PTH2R: variants seen among roughly 807,000 people sequenced by gnomAD.
The protein encoded by PTH2R is PTH2 receptor.
Under a neutral mutation model 60.3 loss-of-function variants are expected in PTH2R, and 59 were observed. That is an observed-to-expected ratio of 0.98 (90% CI 0.79 to 1.22). The LOEUF (loss-of-function observed/expected upper bound fraction) is 1.22. Ranked by LOEUF, PTH2R falls within the 50% of genes most tolerant of loss-of-function variation. The probability of loss-of-function intolerance (pLI) is 0.00; values close to 1 mark genes in which losing one functional copy is unlikely to be tolerated. For missense variants in PTH2R, 749 were observed against 682.6 expected, an observed-to-expected ratio of 1.10 and a Z score of -1.08; for synonymous variants, 256 against 243.8, an observed-to-expected ratio of 1.05 and a Z score of -0.47.
rs577359405 is a variant in PTH2R at position 208,482,466 on chromosome 2, A to G, written c.1076+1302A>G. 3.9e-5 allele frequency among the ~76,000 whole-genome samples: 6 copies of G among 152,344 alleles called. No homozygotes were observed. In the South Asian group the frequency reaches 6.2e-4, roughly 16 times the overall value. On this transcript the variant is annotated intron_variant, in intron 10 of 12. Coordinates refer to ENST00000272847, the MANE Select transcript of PTH2R (RefSeq NM_005048.4). ...TTTGATTATGAGGTGAGATGGTCAC[A>G]TGGGGATGAAGTAATTCTTTAACAT...
chr2:208,377,575 G>A (rs779879047), intron 1 of PTH2R, among the ~76,000 whole-genome samples: 5 of 147,598 alleles, frequency 3.4e-5, no homozygotes, highest in East Asian at 2.0e-4. Context: ...GGGACGGGGC[G>A]GCTGGCCGGG....
chr2:208,385,751 C>G (rs1700990374), intron 1 of PTH2R, among the ~76,000 whole-genome samples: 1 of 152,182 alleles, frequency 6.6e-6, no homozygotes, highest in African/African-American at 2.4e-5. Flanking sequence ...TGTGGCCACT[C>G]CCAACTTGTA....
intron 1 of PTH2R, among the ~76,000 whole-genome samples, chr2:208,395,247 C>T (rs893477006): frequency 6.6e-6 from 1 of 152,004 alleles, no homozygotes; most frequent in Non-Finnish European, 1.5e-5. Flanking sequence ...CGGGGTTTCA[C>T]CATGTTAACC....
chr2:208,463,272 C>T (rs936790435), intron 9 of PTH2R, among the ~76,000 whole-genome samples: 2 of 152,136 alleles, frequency 1.3e-5, no homozygotes, highest in African/African-American at 2.4e-5. Context: ...GTTCCCACCT[C>T]AGGGCCTTTG....
intron 2 of PTH2R, among the ~76,000 whole-genome samples, chr2:208,436,629 C>T (rs755466219): frequency 5.9e-5 from 9 of 152,202 alleles, no homozygotes; most frequent in Admixed American, 2.6e-4. Context: ...TCATGACCTG[C>T]GTGCACCACA....
intron 4 of PTH2R, among the ~76,000 whole-genome samples, chr2:208,440,891 G>A (rs540336586): frequency 2.4e-4 from 37 of 152,318 alleles, no homozygotes; most frequent in African/African-American, 8.9e-4. Flanking sequence ...ATGTGCACAG[G>A]GCTCTCACAG....
intron 12 of PTH2R, among the ~76,000 whole-genome samples, chr2:208,491,777 G>C (rs1192191835): frequency 6.6e-6 from 1 of 152,004 alleles, no homozygotes; most frequent in African/African-American, 2.4e-5. Context: ...ATTGTAGACT[G>C]TGAAGTTTTG....
Position 208,407,049 on chromosome 2 carries a change from C to A in PTH2R, c.6C>A (p.Ala2=), listed in dbSNP as rs142146558. 5,775 of 1,392,932 alleles carry A rather than the reference C, an allele frequency of 4.1e-3. 16 individuals carry two copies. Among genetic ancestry groups the A allele is most frequent in the South Asian group, 5.0e-3 (261 of 52,536 alleles). The allele number at this position is 1,392,932 out of a possible 1,614,324, so 86.3% of individuals were successfully genotyped here. ...TTCCTACAGCCGTTCCGGGCATGGCCGGGCTGGGGGCGTCGCTCCACGTCT... is the reference window on the plus strand; with the variant it reads ...TTCCTACAGCCGTTCCGGGCATGGCAGGGCTGGGGGCGTCGCTCCACGTCT... M[A]GLGASLHVWG... The change falls in exon 1 of 13, where the codon GCC becomes GCA. Residue 2 remains alanine, a synonymous_variant. Coordinates refer to ENST00000272847, the MANE Select transcript of PTH2R (RefSeq NM_005048.4).
chr2:208,388,137 C>CCT (rs986061486), intron 1 of PTH2R, among the ~76,000 whole-genome samples: 1 of 149,440 alleles, frequency 6.7e-6, no homozygotes, highest in African/African-American at 2.4e-5. Flanking sequence ...GTGAAACCCC[C>CCT]CCCCCCGTCT....
At chr2:208,371,503 T>C (rs975603780) in intron 1 of PTH2R, among the ~76,000 whole-genome samples, 1 of 152,166 alleles carries the variant, frequency 6.6e-6, no homozygotes, top group African/African-American at 2.4e-5. Flanking sequence ...CCCTCAGGCA[T>C]GGAGAATAAA....
intron 1 of PTH2R, among the ~76,000 whole-genome samples, chr2:208,374,969 T>C (rs1488995907): frequency 6.6e-6 from 1 of 152,110 alleles, no homozygotes; most frequent in East Asian, 1.9e-4. Context: ...TGGCACTGGA[T>C]GTAAAATAAT....
intron 12 of PTH2R, among the ~76,000 whole-genome samples, chr2:208,492,789 C>T (rs1292848197): frequency 2.0e-5 from 3 of 152,142 alleles, no homozygotes; most frequent in Non-Finnish European, 2.9e-5. Context: ...CAGGCAGGCA[C>T]TATCAATGGC....
intron 5 of PTH2R, among the ~76,000 whole-genome samples, chr2:208,442,965 TCAA>T (rs1191819486): frequency 6.6e-6 from 1 of 152,220 alleles, no homozygotes; most frequent in African/African-American, 2.4e-5. Context: ...ATCCCCAGAT[TCAA>T]CAGACTGTGG....
intron 1 of PTH2R, among the ~76,000 whole-genome samples, chr2:208,426,383 G>C (rs1701858349): frequency 6.6e-6 from 1 of 152,186 alleles, no homozygotes; most frequent in Non-Finnish European, 1.5e-5. Flanking sequence ...CTGCTCTTCT[G>C]TTTGAAGTAC....
At chr2:208,382,470 A>G (rs1319856263) in intron 1 of PTH2R, among the ~76,000 whole-genome samples, 1 of 151,156 alleles carries the variant, frequency 6.6e-6, no homozygotes, top group African/African-American at 2.5e-5. Context: ...CTGTATGTCT[A>G]CAACCTAAGA....
At chr2:208,431,309 C>CT (rs1262183974) in intron 2 of PTH2R, among the ~76,000 whole-genome samples, 1 of 152,100 alleles carries the variant, frequency 6.6e-6, no homozygotes, top group Non-Finnish European at 1.5e-5. Context: ...CAAATCTCTT[C>CT]TTTTTTTCCT....
At chr2:208,390,998 TG>T (rs1701099007) in intron 1 of PTH2R, among the ~76,000 whole-genome samples, 1 of 152,214 alleles carries the variant, frequency 6.6e-6, no homozygotes, top group African/African-American at 2.4e-5. Context: ...TCGAGTGTGA[TG>T]TATCCAGAAT....
At chr2:208,363,912 G>A (rs1700529746) in intron 1 of PTH2R, among the ~76,000 whole-genome samples, 1 of 152,104 alleles carries the variant, frequency 6.6e-6, no homozygotes, top group Non-Finnish European at 1.5e-5. Context: ...CTGGATATTA[G>A]ACCTTTGTCA....
At chr2:208,486,662 A>T (rs1305083307) in intron 10 of PTH2R, among the ~76,000 whole-genome samples, 1 of 152,104 alleles carries the variant, frequency 6.6e-6, no homozygotes, top group Non-Finnish European at 1.5e-5. Context: ...CTTTTATCTG[A>T]TTAGGCTGAA....
Sources: allele counts gnomAD v4.1 joint callset (sites outside exome capture counted in the v4.1 genomes callset), GRCh38; gene constraint gnomAD v4.1.1; transcripts MANE v1.5; gene names NCBI Gene and HGNC (gene_info 2026-07-23, HGNC 2026-07-21).